CSMD1: variants seen among roughly 807,000 people sequenced by gnomAD.
CSMD1 encodes the protein CUB and sushi domain-containing protein 1.
CSMD1 carries 213 observed loss-of-function variants against 417.5 expected under a neutral mutation model. The observed-to-expected ratio is 0.51, with a 90% CI of 0.46 to 0.57. CSMD1 has a LOEUF of 0.57. Among genes scored for constraint, CSMD1 ranks in the 20% least tolerant of loss-of-function variants. CSMD1 has a pLI of 0.00. For missense variants in CSMD1, 6,923 were observed against 4,529.7 expected, an observed-to-expected ratio of 1.53 and a Z score of -15.17; for synonymous variants, 2,862 against 1,736.8, an observed-to-expected ratio of 1.65 and a Z score of -16.11.
At chr8:3,624,621 G>C (rs980718758) in intron 7 of CSMD1, among the ~76,000 whole-genome samples, 20 of 152,230 alleles carry the variant, frequency 1.3e-4, no homozygotes, top group African/African-American at 4.6e-4. Flanking sequence ...ATAACCATCA[G>C]GAAAGTGGTT....
At chr8:3,585,137 T>A (rs1316762804) in intron 9 of CSMD1, among the ~76,000 whole-genome samples, 2 of 152,106 alleles carry the variant, frequency 1.3e-5, no homozygotes, top group Non-Finnish European at 2.9e-5. Context: ...CCCTAGTGGT[T>A]ATAGGGACCA....
At chr8:4,925,215 G>GGTTTTTTT (rs762807942) in intron 1 of CSMD1, among the ~76,000 whole-genome samples, 1 of 72,734 alleles carries the variant, frequency 1.4e-5, no homozygotes, top group South Asian at 6.9e-4. Flanking sequence ...CAGTTTTATG[G>GGTTTTTTT]TTTTTTTTTT....
chr8:4,833,558 A>G (rs1202193166), intron 1 of CSMD1, among the ~76,000 whole-genome samples: 2 of 152,236 alleles, frequency 1.3e-5, no homozygotes, highest in Non-Finnish European at 1.5e-5. Context: ...TAGATAAGTC[A>G]TTATAATAAA....
chr8:4,809,019 C>T (rs756689168), intron 1 of CSMD1, among the ~76,000 whole-genome samples: 3 of 152,168 alleles, frequency 2.0e-5, no homozygotes, highest in Non-Finnish European at 4.4e-5. Context: ...ATTGAGTTGT[C>T]TTGCCGAGTT....
intron 3 of CSMD1, among the ~76,000 whole-genome samples, chr8:4,363,351 C>G (rs981167314): frequency 6.6e-6 from 1 of 152,114 alleles, no homozygotes; most frequent in Admixed American, 6.6e-5. Flanking sequence ...TTTAGGTACT[C>G]GTATGTGTAT....
At chr8:3,159,833 T>C (rs950509628) in intron 38 of CSMD1, among the ~76,000 whole-genome samples, 1 of 152,202 alleles carries the variant, frequency 6.6e-6, no homozygotes, top group Non-Finnish European at 1.5e-5. Context: ...AGAAATTTCT[T>C]TGGTAAAGAA....
At chr8:3,225,801 T>C (rs570793376) in intron 27 of CSMD1, among the ~76,000 whole-genome samples, 2 of 152,356 alleles carry the variant, frequency 1.3e-5, no homozygotes, top group South Asian at 4.1e-4. Context: ...GTTCTCTCTT[T>C]TGGTCTGGTA....
intron 3 of CSMD1, among the ~76,000 whole-genome samples, chr8:4,242,127 T>C (rs1261956001): frequency 6.6e-6 from 1 of 152,252 alleles, no homozygotes; most frequent in Non-Finnish European, 1.5e-5. Context: ...CTAAGAATTA[T>C]ATGTCTTTCT....
intron 10 of CSMD1, among the ~76,000 whole-genome samples, chr8:3,556,413 A>ATATATATATATATATATATATT (rs1799147745): frequency 7.1e-6 from 1 of 141,746 alleles, no homozygotes; most frequent in Non-Finnish European, 1.5e-5. Context: ...ATATATATAT[A>ATATATATATATATATATATATT]TTCACACACA....
At chr8:4,788,882 C>T (rs948387886) in intron 1 of CSMD1, among the ~76,000 whole-genome samples, 3 of 152,192 alleles carry the variant, frequency 2.0e-5, no homozygotes, top group South Asian at 2.1e-4. Flanking sequence ...CCAGGGCAGG[C>T]ACATGCCCAG....
chr8:3,903,676 C>G (rs1807916976), intron 5 of CSMD1, among the ~76,000 whole-genome samples: 1 of 152,114 alleles, frequency 6.6e-6, no homozygotes, highest in Admixed American at 6.5e-5. Flanking sequence ...CCCTGGCTGT[C>G]TAATGATGTG....
intron 5 of CSMD1, among the ~76,000 whole-genome samples, chr8:3,988,884 C>T (rs957180875): frequency 6.6e-6 from 1 of 152,136 alleles, no homozygotes; most frequent in African/African-American, 2.4e-5. Flanking sequence ...TCACACAATT[C>T]ATAACCAAAG....
intron 49 of CSMD1, among the ~76,000 whole-genome samples, chr8:3,074,560 C>G (rs1002348077): frequency 6.6e-6 from 1 of 152,138 alleles, no homozygotes; most frequent in Non-Finnish European, 1.5e-5. Context: ...ACAAGATAAC[C>G]CAATATGTCA....
intron 4 of CSMD1, among the ~76,000 whole-genome samples, chr8:4,001,479 A>C (rs537911181): frequency 6.6e-6 from 1 of 152,136 alleles, no homozygotes; most frequent in African/African-American, 2.4e-5. Flanking sequence ...TTTTTATTTT[A>C]ACAGCTGACA....
intron 32 of CSMD1, among the ~76,000 whole-genome samples, chr8:3,201,210 A>C (rs1001800048): frequency 2.0e-5 from 3 of 152,216 alleles, no homozygotes; most frequent in Non-Finnish European, 2.9e-5. Context: ...GTGGCTATTA[A>C]TGGGTCTCTC....
At chr8:4,238,102 A>G (rs1340309503) in intron 3 of CSMD1, among the ~76,000 whole-genome samples, 1 of 152,016 alleles carries the variant, frequency 6.6e-6, no homozygotes, top group Admixed American at 6.6e-5. Context: ...TTGAGACACA[A>G]TTTTTTCAGT....
chr8:4,417,279 C>A (rs545265323), intron 3 of CSMD1, among the ~76,000 whole-genome samples: 10 of 151,924 alleles, frequency 6.6e-5, no homozygotes, highest in Admixed American at 4.6e-4. Flanking sequence ...TGTTTCTATT[C>A]TCATTATGTA....
intron 7 of CSMD1, among the ~76,000 whole-genome samples, chr8:3,705,775 C>T (rs116948164): frequency 1.0e-3 from 156 of 152,242 alleles, no homozygotes; most frequent in East Asian, 9.3e-3. Context: ...ATCTCAAGAA[C>T]TGTGGTCTCC....
intron 2 of CSMD1, among the ~76,000 whole-genome samples, chr8:4,578,332 A>ATTTTTT (rs1172600205): frequency 0.017 from 826 of 48,758 alleles, 103 homozygotes; most frequent in African/African-American, 0.034. Context: ...CACCCGGCTC[A>ATTTTTT]TTTTTTTTTT....
Sources: gnomAD v4.1 joint callset for allele counts (sites outside exome capture counted in the v4.1 genomes callset) on GRCh38, gnomAD v4.1.1 for gene constraint, MANE v1.5 for transcripts, NCBI Gene and HGNC (gene_info 2026-07-23, HGNC 2026-07-21) for gene names.